Variants in TXNDC11 observed in about 807,000 individuals in gnomAD.
The protein encoded by TXNDC11 is thioredoxin domain containing 11.
Under a neutral mutation model 78.0 loss-of-function variants are expected in TXNDC11, and 68 were observed. The ratio of observed to expected loss-of-function variants is 0.87; its 90% CI spans 0.72 to 1.07. The LOEUF (loss-of-function observed/expected upper bound fraction) is 1.07. Ranked by LOEUF, TXNDC11 falls within the 50% of genes least tolerant of loss-of-function variation. TXNDC11 has a pLI of 0.00. For missense variants in TXNDC11, 1,389 were observed against 1,221.8 expected (o/e 1.14, Z -2.04); for synonymous variants, 571 against 495.2 (o/e 1.15, Z -2.03).
At chr16:11,716,103 A>G (rs888590152) in intron 5 of TXNDC11, among the ~76,000 whole-genome samples, 1 of 152,254 alleles carries the variant, frequency 6.6e-6, no homozygotes, top group Non-Finnish European at 1.5e-5. Context: ...GAAAGGTTAA[A>G]TATTTTGTTC....
At chr16:11,728,105 T>C (rs529783877) in intron 4 of TXNDC11, among the ~76,000 whole-genome samples, 1 of 152,214 alleles carries the variant, frequency 6.6e-6, no homozygotes, top group Non-Finnish European at 1.5e-5. Flanking sequence ...GCTTACTGTG[T>C]TCTACTCCAG....
intron 11 of TXNDC11, among the ~76,000 whole-genome samples, chr16:11,683,434 T>C (rs776197838): frequency 3.9e-5 from 6 of 152,114 alleles, no homozygotes; most frequent in Non-Finnish European, 8.8e-5. Flanking sequence ...CTGTCCTCTG[T>C]ACGAGAGGGA....
intron 5 of TXNDC11, among the ~76,000 whole-genome samples, chr16:11,701,875 T>G (rs907004492): frequency 6.6e-5 from 10 of 152,120 alleles, no homozygotes; most frequent in Non-Finnish European, 1.0e-4. Flanking sequence ...TGGACACAGC[T>G]GGGATTTCCA....
At chr16:11,694,922 T>A (rs1032618920) in intron 7 of TXNDC11, among the ~76,000 whole-genome samples, 4 of 152,264 alleles carry the variant, frequency 2.6e-5, no homozygotes, top group Non-Finnish European at 1.5e-5. Context: ...TCTTGGCAAA[T>A]AACTGTTCGC....
At chr16:11,696,998 G>A (rs988142631) in intron 7 of TXNDC11, among the ~76,000 whole-genome samples, 3 of 152,162 alleles carry the variant, frequency 2.0e-5, no homozygotes, top group Non-Finnish European at 4.4e-5. Context: ...CTTAATATTA[G>A]ATACAGTAAA....
chr16:11,732,120 C>T (rs75708745), intron 3 of TXNDC11, among the ~76,000 whole-genome samples: 3,575 of 152,226 alleles, frequency 0.023, 84 homozygotes, highest in Non-Finnish European at 0.037. Context: ...TGCGTACCAC[C>T]TCAAATTCCT....
At chr16:11,715,068 C>G (rs2141070718) in intron 5 of TXNDC11, among the ~76,000 whole-genome samples, 1 of 151,878 alleles carries the variant, frequency 6.6e-6, no homozygotes, top group South Asian at 2.1e-4. Flanking sequence ...CTGGGCAACA[C>G]AGTGAAACCC....
At chr16:11,721,781 C>G in intron 4 of TXNDC11, 111 bp from the exon 5 acceptor site, 1 of 585,246 alleles carries the variant, frequency 1.7e-6, no homozygotes, top group South Asian at 1.9e-5. Flanking sequence ...CATCTTGTTG[C>G]CTTTCATTTT....
At chr16:11,735,155 A>G (rs879807304) in intron 2 of TXNDC11, among the ~76,000 whole-genome samples, 1 of 152,228 alleles carries the variant, frequency 6.6e-6, no homozygotes, top group Non-Finnish European at 1.5e-5. Context: ...AGGGCTTTGC[A>G]TAGTTCAGGA....
intron 1 of TXNDC11, 128 bp downstream of exon 1, chr16:11,742,349 G>T: frequency 2.8e-6 from 2 of 715,368 alleles, no homozygotes; most frequent in Non-Finnish European, 4.0e-6. Flanking sequence ...TCCGGGAGGG[G>T]TCAGCCGTCC....
At chr16:11,722,221 C>T (rs763258391) in intron 4 of TXNDC11, among the ~76,000 whole-genome samples, 13 of 152,306 alleles carry the variant, frequency 8.5e-5, no homozygotes, top group Middle Eastern at 3.4e-3. Context: ...CGCCAAAACC[C>T]AGCATTCCAC....
At position 11,720,747 on chromosome 16, in the gene TXNDC11, T is replaced by C. The variant is rs557434312; in HGVS notation, c.793+830A>G. Among the ~76,000 whole-genome samples the C allele has an allele frequency of 1.7e-4, 25 of 151,472 alleles. No homozygotes were observed. The South Asian group carries it at 5.0e-3, about 30-fold the overall frequency. The stretch of plus-strand genomic sequence containing the variant: ...ATCATATATATATATATGGTTTTTT[T>C]TTTTGAGACAGGATCTCACTCTGTC... On this transcript the variant is annotated intron_variant, in intron 5 of 11. Coordinates refer to ENST00000283033, the MANE Select transcript of TXNDC11 (RefSeq NM_015914.7).
At chr16:11,707,883 G>C (rs1480541031) in intron 5 of TXNDC11, among the ~76,000 whole-genome samples, 1 of 151,998 alleles carries the variant, frequency 6.6e-6, no homozygotes, top group Non-Finnish European at 1.5e-5. Flanking sequence ...AGGAGGTCAA[G>C]ACCAGCCTGG....
In TXNDC11 at chr16:11,703,968, T is replaced by C. The variant is rs1480274768; in HGVS notation, c.794-3404A>G. Among the ~76,000 whole-genome samples the C allele has an allele frequency of 5.9e-5, 9 of 152,238 alleles. 1 individual carries two copies. Among genetic ancestry groups the C allele is most frequent in the Non-Finnish European group, 1.2e-4 (8 of 68,040 alleles). ...TTAGCCGGATGTGGTGGCACGCACCTGTAATTCCAGCTATCTGGGAGGCTG... is the reference window on the plus strand; with the variant it reads ...TTAGCCGGATGTGGTGGCACGCACCCGTAATTCCAGCTATCTGGGAGGCTG... On this transcript the variant is annotated intron_variant, in intron 5 of 11. Transcript: ENST00000283033.
At chr16:11,698,375 C>A (rs774904301) in intron 6 of TXNDC11, 50 bp from the exon 7 acceptor site, 2 of 1,554,002 alleles carry the variant, frequency 1.3e-6, no homozygotes, top group Non-Finnish European at 1.8e-6. Flanking sequence ...TGAGGTGGGG[C>A]AAGCTCAAGG....
intron 9 of TXNDC11, 27 bp downstream of exon 9, chr16:11,688,276 T>TA (rs778246306): frequency 5.0e-6 from 8 of 1,604,762 alleles, no homozygotes; most frequent in Non-Finnish European, 2.6e-6. Flanking sequence ...ACAGATGGCT[T>TA]AACTTTTGCC....
intron 1 of TXNDC11, among the ~76,000 whole-genome samples, chr16:11,741,124 TAC>T (rs1178117821): frequency 6.6e-6 from 1 of 152,188 alleles, no homozygotes; most frequent in Non-Finnish European, 1.5e-5. Context: ...CTGCTGACAG[TAC>T]CTGGCCTATG....
At chr16:11,712,040 T>C (rs1000894323) in intron 5 of TXNDC11, among the ~76,000 whole-genome samples, 3 of 152,182 alleles carry the variant, frequency 2.0e-5, no homozygotes, top group Admixed American at 6.5e-5. Flanking sequence ...TTTTCTAAGA[T>C]TGTAATGCTT....
chr16:11,684,350 C>A, intron 10 of TXNDC11, 105 bp from the exon 11 acceptor site: 1 of 758,632 alleles, frequency 1.3e-6, no homozygotes. Context: ...TTTTTACACC[C>A]CACATTGGGC....
Sources: gnomAD v4.1 joint callset for allele counts (sites outside exome capture counted in the v4.1 genomes callset) on GRCh38, gnomAD v4.1.1 for gene constraint, MANE v1.5 for transcripts, NCBI Gene and HGNC (gene_info 2026-07-23, HGNC 2026-07-21) for gene names.